The following TMPRSS12 variants were observed in gnomAD, a reference collection of about 807,000 sequenced individuals.
TMPRSS12 encodes the protein transmembrane protease serine 12.
Under a neutral mutation model 26.0 loss-of-function variants are expected in TMPRSS12, and 25 were observed. The observed-to-expected ratio is 0.96, with a 90% CI of 0.70 to 1.34. TMPRSS12 has a LOEUF of 1.34. Ranked by LOEUF, TMPRSS12 falls within the 40% of genes most tolerant of loss-of-function variation. The pLI, the probability that TMPRSS12 is intolerant of heterozygous loss-of-function variation, is 0.00. For synonymous variants in TMPRSS12, 150 were observed against 161.7 expected, an observed-to-expected ratio of 0.93 and a Z score of 0.55; for missense variants, 441 against 440.1, an observed-to-expected ratio of 1.00 and a Z score of -0.02.
At chr12:50,870,734 G>A in intron 3 of TMPRSS12, among the ~76,000 whole-genome samples, 1 of 150,254 alleles carries the variant, frequency 6.7e-6, no homozygotes, top group Admixed American at 6.7e-5. Flanking sequence ...TCCTAGAACT[G>A]ATAAAAGAAT....
intron 2 of TMPRSS12, among the ~76,000 whole-genome samples, chr12:50,851,012 A>C (rs1937821673): frequency 1.3e-5 from 2 of 152,208 alleles, no homozygotes; most frequent in Non-Finnish European, 2.9e-5. Flanking sequence ...AACACAGTCA[A>C]ACCCTCAAGG....
intron 2 of TMPRSS12, among the ~76,000 whole-genome samples, chr12:50,853,581 C>CAAAAAAAAAAA (rs34657217): frequency 1.1e-4 from 11 of 102,286 alleles, no homozygotes; most frequent in East Asian, 6.3e-4. Flanking sequence ...GCTAGACTAA[C>CAAAAAAAAAAA]AAAAAAAAAA....
At position 50,887,062 on chromosome 12, in the gene TMPRSS12, C is replaced by T. The variant is rs569113178; in HGVS notation, c.796-200C>T. On this transcript the variant is annotated intron_variant, in intron 4 of 4. Coordinates refer to ENST00000398458, the MANE Select transcript of TMPRSS12 (RefSeq NM_182559.3). The stretch of plus-strand genomic sequence containing the variant: ...TTATCTACCAGCTATATGGTTCCTC[C>T]AAATACCTGGGTAAAATTGAATTCC... 2.3e-4 allele frequency: 131 copies of T among 560,768 alleles called. 2 individuals are homozygous for T. Among genetic ancestry groups the T allele is most frequent in the South Asian group, 1.1e-3 (40 of 35,342 alleles). 34.7% of individuals were successfully genotyped at this position (560,768 alleles called of 1,614,324 possible).
At chr12:50,856,486 A>C (rs1367358348) in intron 2 of TMPRSS12, among the ~76,000 whole-genome samples, 6 of 152,210 alleles carry the variant, frequency 3.9e-5, no homozygotes, top group African/African-American at 1.4e-4. Context: ...TTGTTAATCC[A>C]TCTACTATTT....
At chr12:50,872,260 T>C (rs908784813) in intron 3 of TMPRSS12, among the ~76,000 whole-genome samples, 7 of 151,920 alleles carry the variant, frequency 4.6e-5, no homozygotes, top group African/African-American at 1.7e-4. Context: ...ACGCCTGTAA[T>C]CCCAGCACTT....
chr12:50,855,569 A>C (rs1937868752), intron 2 of TMPRSS12, among the ~76,000 whole-genome samples: 1 of 152,224 alleles, frequency 6.6e-6, no homozygotes, highest in Non-Finnish European at 1.5e-5. Flanking sequence ...GATTCTAGCA[A>C]GGCTATGGAG....
intron 4 of TMPRSS12, chr12:50,886,088 C>T (rs963415691): frequency 6.6e-6 from 1 of 152,046 alleles, no homozygotes; most frequent in Non-Finnish European, 1.5e-5. Flanking sequence ...ATTTATTAGC[C>T]ATTTATATAT....
intron 2 of TMPRSS12, among the ~76,000 whole-genome samples, chr12:50,856,756 G>A (rs1236041846): frequency 6.6e-6 from 1 of 152,104 alleles, no homozygotes; most frequent in Non-Finnish European, 1.5e-5. Context: ...CATAGTCATG[G>A]CTCACTGCAG....
rs1938240476 is a variant in TMPRSS12 at position 50,887,537 on chromosome 12, CTTTA to C, written c.*28_*31del. On this transcript the variant is annotated 3_prime_UTR_variant, in exon 5 of 5. Coordinates refer to ENST00000398458, the MANE Select transcript of TMPRSS12 (RefSeq NM_182559.3). ...AAAGAAATTCTGAAGGCTTTCATAT[CTTTA>C]TTTTGCATTGTGTCCCTTTCTATGT... is the stretch of plus-strand genomic sequence containing the variant. 1 of 1,600,368 alleles carries C rather than the reference CTTTA, an allele frequency of 6.2e-7. No individual in the cohort carries two copies. Among genetic ancestry groups the C allele is most frequent in the East Asian group, 2.2e-5 (1 of 44,762 alleles).
At chr12:50,862,274 C>T (rs1453805164) in intron 3 of TMPRSS12, among the ~76,000 whole-genome samples, 2 of 152,142 alleles carry the variant, frequency 1.3e-5, no homozygotes, top group Non-Finnish European at 2.9e-5. Context: ...AGGGAGAATA[C>T]ATAGGTTAAG....
chr12:50,878,610 T>C (rs761083488), intron 3 of TMPRSS12, among the ~76,000 whole-genome samples: 12 of 152,152 alleles, frequency 7.9e-5, no homozygotes, highest in Non-Finnish European at 1.5e-4. Context: ...AAAGATAGAC[T>C]GTAGATTAAT....
At chr12:50,859,119 T>A (rs1937910603) in intron 3 of TMPRSS12, 66 bp downstream of exon 3, 1 of 1,381,410 alleles carries the variant, frequency 7.2e-7, no homozygotes, top group Non-Finnish European at 9.7e-7. Context: ...GGTCAAACCT[T>A]TTATATACAT....
chr12:50,877,386 AC>A (rs1465090435), intron 3 of TMPRSS12, among the ~76,000 whole-genome samples: 1 of 152,224 alleles, frequency 6.6e-6, no homozygotes, highest in Non-Finnish European at 1.5e-5. Context: ...CAAGAAAAAG[AC>A]ATTAAAGGCA....
chr12:50,868,746 G>C (rs1196275771), intron 3 of TMPRSS12, among the ~76,000 whole-genome samples: 1 of 152,088 alleles, frequency 6.6e-6, no homozygotes, highest in African/African-American at 2.4e-5. Flanking sequence ...CATCTGATAG[G>C]CCACATAATG....
intron 2 of TMPRSS12, among the ~76,000 whole-genome samples, chr12:50,854,272 T>TA (rs1426191691): frequency 6.6e-6 from 1 of 152,176 alleles, no homozygotes; most frequent in Non-Finnish European, 1.5e-5. Context: ...CTCTTCATGT[T>TA]AAAAACCCTC....
At chr12:50,848,200 C>G (rs1358138395) in intron 2 of TMPRSS12, 4 of 148,848 alleles carry the variant, frequency 2.7e-5, no homozygotes, top group African/African-American at 4.9e-5. Context: ...AAAAAAAAAG[C>G]CTTGCCAAGT....
At chr12:50,854,372 G>C (rs912223709) in intron 2 of TMPRSS12, among the ~76,000 whole-genome samples, 1 of 152,076 alleles carries the variant, frequency 6.6e-6, no homozygotes, top group African/African-American at 2.4e-5. Context: ...ACAGGCAAAA[G>C]CTGGAAATGC....
intron 2 of TMPRSS12, among the ~76,000 whole-genome samples, chr12:50,844,438 A>G (rs1642997): frequency 0.6 from 91,481 of 151,322 alleles, 29,164 homozygotes; most frequent in Non-Finnish European, 0.71. Flanking sequence ...CAGTGGTGCA[A>G]TCTTGGCTCA....
intron 3 of TMPRSS12, among the ~76,000 whole-genome samples, chr12:50,870,733 T>G (rs999924670): frequency 6.6e-6 from 1 of 151,908 alleles, no homozygotes; most frequent in Non-Finnish European, 1.5e-5. Flanking sequence ...CTCCTAGAAC[T>G]GATAAAAGAA....
Sources: gnomAD v4.1 joint callset for allele counts (sites outside exome capture counted in the v4.1 genomes callset) on GRCh38, gnomAD v4.1.1 for gene constraint, MANE v1.5 for transcripts, NCBI Gene and HGNC (gene_info 2026-07-23, HGNC 2026-07-21) for gene names.